The following NR2C1 variants were observed in gnomAD, a reference collection of about 807,000 sequenced individuals.
NR2C1 encodes the protein TR2 nuclear hormone receptor.
Under a neutral mutation model 74.8 loss-of-function variants are expected in NR2C1, and 33 were observed. That is an observed-to-expected ratio of 0.44 (90% CI 0.33 to 0.59). The LOEUF (loss-of-function observed/expected upper bound fraction) is 0.59, where lower values mean the gene tolerates loss of function less well. Ranked by LOEUF, NR2C1 falls within the 20% of genes least tolerant of loss-of-function variation. The pLI, the probability that NR2C1 is intolerant of heterozygous loss-of-function variation, is 0.02. For missense variants in NR2C1, 568 were observed against 715.6 expected, an observed-to-expected ratio of 0.79 and a Z score of 2.35; for synonymous variants, 225 against 240.6, an observed-to-expected ratio of 0.94 and a Z score of 0.60.
intron 10 of NR2C1, among the ~76,000 whole-genome samples, chr12:95,032,850 C>A (rs917673676): frequency 7.9e-5 from 12 of 152,246 alleles, no homozygotes; most frequent in African/African-American, 2.9e-4. Context: ...CACCTATAGT[C>A]TCAGCTACTC....
chr12:95,026,266 A>G (rs1869353035), intron 12 of NR2C1, among the ~76,000 whole-genome samples: 1 of 152,112 alleles, frequency 6.6e-6, no homozygotes, highest in African/African-American at 2.4e-5. Context: ...ATTCTATGCC[A>G]TATTTTTCTA....
chr12:95,055,757 T>A (rs1873740232), intron 7 of NR2C1, among the ~76,000 whole-genome samples: 1 of 151,812 alleles, frequency 6.6e-6, no homozygotes, highest in South Asian at 2.1e-4. Context: ...ATTGAGACCA[T>A]CCTGGCTAAC....
chr12:95,049,948 C>T (rs542814481), intron 8 of NR2C1, among the ~76,000 whole-genome samples: 9 of 152,188 alleles, frequency 5.9e-5, no homozygotes, highest in Middle Eastern at 3.4e-3. Flanking sequence ...TACATGTGCG[C>T]ACCACCATGC....
chr12:95,040,284 G>T (rs1042229590), intron 10 of NR2C1, among the ~76,000 whole-genome samples, 192 bp downstream of exon 10: 1 of 152,076 alleles, frequency 6.6e-6, no homozygotes, highest in Admixed American at 6.5e-5. Context: ...ACAAAATATG[G>T]ATACTCTTCC....
At chr12:95,068,763 C>T (rs1016660229) in intron 1 of NR2C1, among the ~76,000 whole-genome samples, 2 of 150,726 alleles carry the variant, frequency 1.3e-5, no homozygotes, top group Admixed American at 1.3e-4. Context: ...CATTGCACTC[C>T]AGTCTGGGCC....
Position 95,053,681 on chromosome 12 carries a change from G to GTTTTTTTT in NR2C1, c.784-1746_784-1739dup, listed in dbSNP as rs550069594. 8.2e-4 allele frequency among the ~76,000 whole-genome samples: 85 copies of GTTTTTTTT among 103,396 alleles called. 2 individuals carry two copies. Among genetic ancestry groups the GTTTTTTTT allele is most frequent in the African/African-American group, 3.2e-3 (79 of 24,990 alleles). The allele number at this position is 103,396 out of a possible 152,430, so 67.8% of individuals were successfully genotyped here. The stretch of plus-strand genomic sequence containing the variant: ...TTCTTCATGGTTTTTTCTTTTTGGT[G>GTTTTTTTT]TTTTTTTTTTTTTTTTTTTTTGAGA... On this transcript the variant is annotated intron_variant, in intron 7 of 13. Coordinates refer to ENST00000333003, the MANE Select transcript of NR2C1 (RefSeq NM_003297.4).
intron 7 of NR2C1, among the ~76,000 whole-genome samples, chr12:95,052,569 C>A (rs1423742066): frequency 6.6e-6 from 1 of 152,186 alleles, no homozygotes; most frequent in African/African-American, 2.4e-5. Context: ...GATCCTCCTA[C>A]CTCAGCCTCC....
At chr12:95,056,122 C>T (rs1282301376) in intron 7 of NR2C1, among the ~76,000 whole-genome samples, 2 of 151,778 alleles carry the variant, frequency 1.3e-5, no homozygotes. Flanking sequence ...AAAAATTAGC[C>T]AGGCACAGTG....
At chr12:95,070,506 T>C (rs1020264201) in intron 1 of NR2C1, among the ~76,000 whole-genome samples, 2 of 152,166 alleles carry the variant, frequency 1.3e-5, no homozygotes, top group South Asian at 2.1e-4. Context: ...AATTTGCCAA[T>C]GTATACCAAG....
intron 11 of NR2C1, chr12:95,030,578 TG>T: frequency 6.2e-7 from 1 of 1,613,386 alleles, no homozygotes; most frequent in Non-Finnish European, 8.5e-7. Context: ...AATGTGATGC[TG>T]CCTTCTAGTA....
intron 9 of NR2C1, among the ~76,000 whole-genome samples, chr12:95,042,736 A>T (rs931532768): frequency 6.6e-6 from 1 of 152,130 alleles, no homozygotes; most frequent in Admixed American, 6.6e-5. Context: ...TGAGAAGAAA[A>T]TTTTTTACAT....
chr12:95,040,704 T>C, intron 9 of NR2C1, 107 bp from the exon 10 acceptor site: 1 of 1,036,452 alleles, frequency 9.6e-7, no homozygotes, highest in Non-Finnish European at 1.3e-6. Flanking sequence ...AGCTAATATA[T>C]TCACAAAAAA....
intron 3 of NR2C1, among the ~76,000 whole-genome samples, chr12:95,061,619 AG>A (rs1350807861): frequency 6.6e-6 from 1 of 152,216 alleles, no homozygotes; most frequent in African/African-American, 2.4e-5. Flanking sequence ...AGATGATATC[AG>A]GATATACAGA....
chr12:95,030,382 G>T, intron 11 of NR2C1: 1 of 1,120,212 alleles, frequency 8.9e-7, no homozygotes, highest in Non-Finnish European at 1.2e-6. Flanking sequence ...TAAAAACACT[G>T]TTAAGAAGAA....
At chr12:95,052,469 T>A (rs1352955089) in intron 7 of NR2C1, among the ~76,000 whole-genome samples, 1 of 152,176 alleles carries the variant, frequency 6.6e-6, no homozygotes, top group East Asian at 1.9e-4. Context: ...TGTTACTTTT[T>A]TTTAAGAGAC....
chr12:95,039,584 T>C (rs17023586), intron 10 of NR2C1, among the ~76,000 whole-genome samples: 3,022 of 152,326 alleles, frequency 0.02, 91 homozygotes, highest in African/African-American at 0.068. Flanking sequence ...GAGTTTCTTA[T>C]AGTAGGCCAT....
chr12:95,065,379 T>C lies in NR2C1; in HGVS notation c.54+1952A>G, dbSNP rs556363748. ...TTGTATTTTAGTAGAGATGGGGTTT[T>C]CTGCATGTGAGTTAGAAATTCAAAG... is the stretch of plus-strand genomic sequence containing the variant. On this transcript the variant is annotated intron_variant, in intron 2 of 13. Transcript: ENST00000333003. Among the ~76,000 whole-genome samples, 5 of 152,226 alleles carry C rather than the reference T, an allele frequency of 3.3e-5. No individual in the cohort carries two copies. In the East Asian group the frequency reaches 9.7e-4, roughly 29 times the overall value.
intron 7 of NR2C1, among the ~76,000 whole-genome samples, chr12:95,056,397 T>C (rs1458605789): frequency 1.3e-5 from 2 of 152,208 alleles, no homozygotes; most frequent in South Asian, 2.1e-4. Flanking sequence ...CAGAAACTCT[T>C]CATGTTCAAT....
At chr12:95,029,575 T>G (rs868525276) in intron 11 of NR2C1, among the ~76,000 whole-genome samples, 7 of 150,484 alleles carry the variant, frequency 4.7e-5, no homozygotes, top group Middle Eastern at 3.5e-3. Flanking sequence ...TTTTTTTTTT[T>G]GAGATGGAGT....
Sources: allele counts gnomAD v4.1 joint callset (sites outside exome capture counted in the v4.1 genomes callset), GRCh38; gene constraint gnomAD v4.1.1; transcripts MANE v1.5; gene names NCBI Gene and HGNC (gene_info 2026-07-23, HGNC 2026-07-21).